The following VPS13B variants were observed in gnomAD, a reference collection of about 807,000 sequenced individuals.
VPS13B encodes the protein vacuolar protein sorting 13 homolog B.
VPS13B carries 285 observed loss-of-function variants against 426.4 expected under a neutral mutation model. The ratio of observed to expected loss-of-function variants is 0.67; its 90% CI spans 0.61 to 0.74. VPS13B has a LOEUF of 0.74. Ranked by LOEUF, VPS13B falls within the 30% of genes least tolerant of loss-of-function variation. The probability of loss-of-function intolerance (pLI) is 0.00; values close to 1 mark genes in which losing one functional copy is unlikely to be tolerated. For missense variants in VPS13B, 4,537 were observed against 4,782.6 expected, an observed-to-expected ratio of 0.95 and a Z score of 1.51; for synonymous variants, 1,676 against 1,676.4, an observed-to-expected ratio of 1.00 and a Z score of 0.01.
chr8:99,314,725 A>G (rs1821213742), intron 19 of VPS13B, among the ~76,000 whole-genome samples: 1 of 152,184 alleles, frequency 6.6e-6, no homozygotes, highest in Non-Finnish European at 1.5e-5. Context: ...TACTGGGATT[A>G]TGAGCGAGAA....
intron 19 of VPS13B, among the ~76,000 whole-genome samples, chr8:99,383,590 C>G (rs888224363): frequency 7.2e-5 from 11 of 152,162 alleles, no homozygotes; most frequent in African/African-American, 2.7e-4. Flanking sequence ...TTATCACTCT[C>G]AAACCACATA....
intron 25 of VPS13B, among the ~76,000 whole-genome samples, chr8:99,486,244 GTT>G (rs1207580107): frequency 6.8e-6 from 1 of 146,380 alleles, no homozygotes. Context: ...GTTTGTTTTG[GTT>G]TTTTTTTTTA....
At chr8:99,767,746 T>C (rs1209783102) in intron 40 of VPS13B, among the ~76,000 whole-genome samples, 1 of 152,104 alleles carries the variant, frequency 6.6e-6, no homozygotes, top group African/African-American at 2.4e-5. Flanking sequence ...CTGGGCAATG[T>C]GGTGAAACCC....
Position 99,506,474 on chromosome 8 carries a change from A to C in VPS13B, c.4158-663A>C, listed in dbSNP as rs918600162. On this transcript the variant is annotated intron_variant, in intron 27 of 61. Transcript: ENST00000357162. The stretch of plus-strand genomic sequence containing the variant: ...AAATTTATATAAATTATAGATATTC[A>C]GATAATTTATTAATTTATTAAAAAC... Among the ~76,000 whole-genome samples, 41 of 152,340 alleles carry C rather than the reference A, an allele frequency of 2.7e-4. 2 individuals are homozygous for C. Among genetic ancestry groups the C allele is most frequent in the Admixed American group, 2.6e-4 (4 of 15,294 alleles).
chr8:99,729,506 C>T (rs201739669), intron 39 of VPS13B, among the ~76,000 whole-genome samples: 1 of 152,202 alleles, frequency 6.6e-6, no homozygotes, highest in Non-Finnish European at 1.5e-5. Flanking sequence ...TTCTTATCTC[C>T]AGTGTGCTTA....
chr8:99,724,124 T>C (rs750655512), intron 39 of VPS13B, among the ~76,000 whole-genome samples: 10 of 152,184 alleles, frequency 6.6e-5, no homozygotes, highest in South Asian at 2.1e-4. Flanking sequence ...AGAACTTCAG[T>C]TGAGGACAGA....
chr8:99,474,465 G>C lies in VPS13B; in HGVS notation c.3666+6831G>C, dbSNP rs569730919. Among the ~76,000 whole-genome samples the C allele has an allele frequency of 4.1e-4, 63 of 152,116 alleles. 1 individual carries two copies. Among genetic ancestry groups the C allele is most frequent in the South Asian group, 1.7e-3 (8 of 4,812 alleles). ...GCCTCCCAAAGTGCTGGGATTACAG[G>C]CATGAGCCACTGCACCCGGACTAAA... On this transcript the variant is annotated intron_variant, in intron 24 of 61. Transcript: ENST00000357162.
chr8:99,332,995 A>G (rs901439722), intron 19 of VPS13B, among the ~76,000 whole-genome samples: 13 of 151,854 alleles, frequency 8.6e-5, no homozygotes, highest in African/African-American at 2.6e-4. Context: ...ACAGTGCTTT[A>G]TCTACATGAG....
At chr8:99,723,358 C>G (rs936868066) in intron 39 of VPS13B, among the ~76,000 whole-genome samples, 8 of 152,118 alleles carry the variant, frequency 5.3e-5, no homozygotes, top group African/African-American at 1.9e-4. Flanking sequence ...CTAAAATACT[C>G]CAAAATCCAA....
chr8:99,224,415 A>G (rs554457071), intron 17 of VPS13B, among the ~76,000 whole-genome samples: 1 of 152,246 alleles, frequency 6.6e-6, no homozygotes, highest in African/African-American at 2.4e-5. Context: ...ATCTTATAGT[A>G]CTCTGATGTT....
intron 3 of VPS13B, among the ~76,000 whole-genome samples, chr8:99,070,453 C>A (rs970990493): frequency 6.6e-6 from 1 of 152,182 alleles, no homozygotes; most frequent in African/African-American, 2.4e-5. Flanking sequence ...CAATTTCATA[C>A]TTATTGAAAT....
At chr8:99,760,271 C>T (rs919183763) in intron 39 of VPS13B, among the ~76,000 whole-genome samples, 5 of 152,228 alleles carry the variant, frequency 3.3e-5, no homozygotes, top group Non-Finnish European at 7.3e-5. Flanking sequence ...GCATGAGCCA[C>T]TATGCCCGGC....
intron 8 of VPS13B, among the ~76,000 whole-genome samples, chr8:99,126,290 G>A (rs1201176480): frequency 6.6e-6 from 1 of 152,142 alleles, no homozygotes; most frequent in Non-Finnish European, 1.5e-5. Context: ...TTGAGGAAAG[G>A]GAAGAAGGTA....
chr8:99,070,599 T>C (rs1319092432), intron 3 of VPS13B, among the ~76,000 whole-genome samples: 1 of 152,218 alleles, frequency 6.6e-6, no homozygotes, highest in African/African-American at 2.4e-5. Context: ...TTTTTTGTTT[T>C]TCTGATACTC....
intron 17 of VPS13B, chr8:99,234,558 C>T (rs1474809674): frequency 1.8e-5 from 8 of 437,234 alleles, no homozygotes; most frequent in African/African-American, 8.1e-5. Flanking sequence ...GTTCGGGGGC[C>T]GCGTGGCTGG....
chr8:99,431,497 G>C, intron 21 of VPS13B, 40 bp from the exon 22 acceptor site: 1 of 1,610,024 alleles, frequency 6.2e-7, no homozygotes, highest in Non-Finnish European at 8.5e-7. Flanking sequence ...GAAATTGTAA[G>C]TTATGTTTCT....
chr8:99,803,352 T>C (rs999329640), intron 43 of VPS13B, among the ~76,000 whole-genome samples: 2 of 152,158 alleles, frequency 1.3e-5, no homozygotes, highest in Non-Finnish European at 2.9e-5. Context: ...ACAGCACCCA[T>C]AGTTTGTGGA....
chr8:99,601,048 G>A (rs377521469), intron 33 of VPS13B, among the ~76,000 whole-genome samples: 9 of 151,786 alleles, frequency 5.9e-5, no homozygotes, highest in East Asian at 5.8e-4. Context: ...TGTGCAGAAC[G>A]TACAGGTTTG....
intron 58 of VPS13B, 99 bp downstream of exon 58, chr8:99,862,045 C>A: frequency 7.2e-7 from 1 of 1,386,810 alleles, no homozygotes; most frequent in South Asian, 1.4e-5. Flanking sequence ...TGGGAATGAC[C>A]AGGAAATGCT....
Sources: allele counts gnomAD v4.1 joint callset (sites outside exome capture counted in the v4.1 genomes callset), GRCh38; gene constraint gnomAD v4.1.1; transcripts MANE v1.5; gene names NCBI Gene and HGNC (gene_info 2026-07-23, HGNC 2026-07-21).